DDX60: variants seen among roughly 807,000 people sequenced by gnomAD.
The protein encoded by DDX60 is probable ATP-dependent RNA helicase DDX60.
Under a neutral mutation model 212.8 loss-of-function variants are expected in DDX60, and 165 were observed. The observed-to-expected ratio is 0.78, with a 90% CI of 0.68 to 0.88. DDX60 has a LOEUF of 0.88. DDX60 is among the 40% of genes least tolerant of loss of function. The pLI, the probability that DDX60 is intolerant of heterozygous loss-of-function variation, is 0.00. For synonymous variants in DDX60, 703 were observed against 685.3 expected, an observed-to-expected ratio of 1.03 and a Z score of -0.40; for missense variants, 1,905 against 2,003.9, an observed-to-expected ratio of 0.95 and a Z score of 0.94.
intron 10 of DDX60, among the ~76,000 whole-genome samples, chr4:168,286,140 A>G (rs541419066): frequency 3.9e-4 from 59 of 151,054 alleles, no homozygotes; most frequent in Admixed American, 1.3e-3. Context: ...AGGAAGGAAG[A>G]AAGGAAGGAA....
chr4:168,239,399 T>TAGAC (rs1733757422), intron 30 of DDX60, among the ~76,000 whole-genome samples: 1 of 146,726 alleles, frequency 6.8e-6, no homozygotes, highest in African/African-American at 2.4e-5. Flanking sequence ...GATAGATAGA[T>TAGAC]AGATAGATAG....
Position 168,291,882 on chromosome 4 carries a change from G to A in DDX60, c.907C>T (p.Gln303Ter). The A allele has an allele frequency of 1.2e-6, 2 of 1,611,460 alleles. No individual in the cohort carries two copies. Among genetic ancestry groups the A allele is most frequent in the Non-Finnish European group, 1.7e-6 (2 of 1,179,060 alleles). Residue 303 changes from glutamine to a stop codon, truncating the protein, a stop_gained, in exon 8 of 38, where the codon CAG becomes TAG. Coordinates refer to ENST00000393743, the MANE Select transcript of DDX60 (RefSeq NM_017631.6). LOFTEE classifies it high-confidence loss of function. ...AGTTTACACAAATCTTCCATCTCCT[G>A]CAGGGTTAAGCAATTACTGTTCACC... is the stretch of plus-strand genomic sequence containing the variant. ...QQVNSNCLTLQEMEDLCKLHC... is the reference protein window; with the variant it reads ...QQVNSNCLTL
chr4:168,264,369 T>A (rs1734752035), intron 22 of DDX60, among the ~76,000 whole-genome samples: 1 of 152,204 alleles, frequency 6.6e-6, no homozygotes, highest in Admixed American at 6.5e-5. Flanking sequence ...CTAAGGACTA[T>A]ATTATATCAA....
intron 5 of DDX60, 21 bp from the exon 6 acceptor site, chr4:168,302,437 A>G: frequency 2.6e-6 from 3 of 1,150,448 alleles, no homozygotes; most frequent in Non-Finnish European, 3.6e-6. Flanking sequence ...AAGAAAAATC[A>G]GAAAAGTTGT....
chr4:168,259,321 C>G (rs1427675063), intron 25 of DDX60, among the ~76,000 whole-genome samples: 1 of 152,128 alleles, frequency 6.6e-6, no homozygotes, highest in Non-Finnish European at 1.5e-5. Context: ...TACAGAATTA[C>G]TTTTGTTTCT....
intron 25 of DDX60, among the ~76,000 whole-genome samples, chr4:168,257,640 A>C (rs1343528198): frequency 3.3e-5 from 5 of 152,212 alleles, no homozygotes; most frequent in African/African-American, 1.2e-4. Context: ...ATTTTTAAAA[A>C]ACTCTTGTTC....
In DDX60 at chr4:168,275,435, G is replaced by C; in HGVS notation, c.2214C>G (p.Phe738Leu). The change falls in exon 16 of 38, where the codon TTC (phenylalanine) becomes TTG (leucine). Residue 738 changes from phenylalanine (F) to leucine (L), a missense_variant. Physicochemically the swap from Phe to Leu is conservative, Grantham distance 22. Coordinates refer to ENST00000393743, the MANE Select transcript of DDX60 (RefSeq NM_017631.6). ...KYSVGIGPAR[F>L]QLQYMGHYLI... ...AATAATGGCCCATGTATTGCAGTTG[G>C]AACCGAGCTGGCCCAATGCCAACTG... The C allele has an allele frequency of 6.2e-7, 1 of 1,612,942 alleles. No individual in the cohort carries two copies. The highest frequency in any genetic ancestry group is 8.5e-7 in the Non-Finnish European group (1 of 1,179,476).
Position 168,318,673 on chromosome 4 carries a change from G to A in DDX60, c.-158C>T, listed in dbSNP as rs1263309144. 4 of 152,418 alleles carry A rather than the reference G, an allele frequency of 2.6e-5. No homozygotes were observed. In the East Asian group the frequency reaches 7.7e-4, roughly 29 times the overall value. 9.4% of individuals were successfully genotyped at this position (152,418 alleles called of 1,614,324 possible). A position where few individuals can be genotyped will look rare whatever the true frequency, so the allele number is the denominator to read the frequency against. ...AAGACCCGCGAGCTGCGCGCCCCGC[G>A]GGGAGGGAGTGAAACAGAGACCTAG... On this transcript the variant is annotated 5_prime_UTR_variant, in exon 1 of 38. Coordinates refer to ENST00000393743, the MANE Select transcript of DDX60 (RefSeq NM_017631.6).
chr4:168,259,947 C>A (rs1352579043), intron 25 of DDX60, among the ~76,000 whole-genome samples: 5 of 151,420 alleles, frequency 3.3e-5, no homozygotes, highest in African/African-American at 9.7e-5. Context: ...TGCAAAGAAC[C>A]TTTATGTATT....
chr4:168,314,147 C>T (rs1737260495), intron 1 of DDX60, among the ~76,000 whole-genome samples: 1 of 152,060 alleles, frequency 6.6e-6, no homozygotes. Context: ...GCTTACACAC[C>T]CTAGGCTTTC....
At chr4:168,309,968 C>T (rs1737058057) in intron 3 of DDX60, among the ~76,000 whole-genome samples, 1 of 152,120 alleles carries the variant, frequency 6.6e-6, no homozygotes, top group Non-Finnish European at 1.5e-5. Flanking sequence ...CTGCCAACTC[C>T]TGAGACTCGA....
chr4:168,246,456 C>T lies in DDX60; in HGVS notation c.4126G>A (p.Ala1376Thr), dbSNP rs1734025883. 1 of 1,613,874 alleles carries T rather than the reference C, an allele frequency of 6.2e-7. No homozygotes were observed. Among genetic ancestry groups the T allele is most frequent in the Non-Finnish European group, 8.5e-7 (1 of 1,179,978 alleles). Reference sequence around the variant, plus strand: ...TCCTCTGGGTCATCTCCCTTGGAAGCCAGCAGCATGAGTCGCAGGACCAGG... The same window carrying T: ...TCCTCTGGGTCATCTCCCTTGGAAGTCAGCAGCATGAGTCGCAGGACCAGG... ...ITLVLRLMLL[A>T]SKGDDPEDAK... is the part of the protein sequence containing the mutation. Residue 1376 changes from alanine to threonine, a missense_variant, in exon 30 of 38, where the codon GCT (alanine) becomes ACT (threonine). By Grantham distance (58) the Ala-to-Thr change is moderately conservative. Coordinates refer to ENST00000393743, the MANE Select transcript of DDX60 (RefSeq NM_017631.6).
At chr4:168,240,977 A>G (rs2149498849) in intron 30 of DDX60, among the ~76,000 whole-genome samples, 1 of 152,324 alleles carries the variant, frequency 6.6e-6, no homozygotes, top group Admixed American at 6.5e-5. Context: ...GAAGGAACCC[A>G]GTGGGAGGTA....
In DDX60 at chr4:168,237,313, G is replaced by C. The variant is rs1314573548; in HGVS notation, c.4384C>G (p.His1462Asp). 1 of 1,581,696 alleles carries C rather than the reference G, an allele frequency of 6.3e-7. No homozygotes were observed. The highest frequency in any genetic ancestry group is 2.3e-5 in the East Asian group (1 of 43,186). ...FVSFLVNGLF[H>D]DLCQPTRKGS... ...TTCCTGGTTGGCTGACAGAGATCATGGAAGAGTCCATTTACAAGAAAACTG... is the reference window on the plus strand; with the variant it reads ...TTCCTGGTTGGCTGACAGAGATCATCGAAGAGTCCATTTACAAGAAAACTG... Residue 1462 changes from histidine (H) to aspartate (D), a missense_variant, in exon 32 of 38, where the codon CAT becomes GAT. Coordinates refer to ENST00000393743, the MANE Select transcript of DDX60 (RefSeq NM_017631.6).
Position 168,237,324 on chromosome 4 carries a change from T to C in DDX60, c.4373A>G (p.Asn1458Ser), listed in dbSNP as rs145749472. 1.4e-5 allele frequency: 23 copies of C among 1,589,532 alleles called. No homozygotes were observed. Among genetic ancestry groups the C allele is most frequent in the African/African-American group, 9.4e-5 (7 of 74,222 alleles). Residue 1458 changes from asparagine (N) to serine (S), a missense_variant, in exon 32 of 38, where the codon AAT becomes AGT. Transcript: ENST00000393743. ...CTGACAGAGATCATGGAAGAGTCCA[T>C]TTACAAGAAAACTGACAAAAACAAG... ...SNLVFVSFLVNGLFHDLCQPT... is the reference protein window; with the variant it reads ...SNLVFVSFLVSGLFHDLCQPT...
chr4:168,296,101 CAAT>C (rs1015652181), intron 6 of DDX60, among the ~76,000 whole-genome samples: 1 of 151,866 alleles, frequency 6.6e-6, no homozygotes, highest in African/African-American at 2.4e-5. Context: ...TGACTACAAC[CAAT>C]AATAATGTCA....
intron 6 of DDX60, among the ~76,000 whole-genome samples, chr4:168,300,291 C>T (rs1736590873): frequency 1.3e-5 from 2 of 152,124 alleles, no homozygotes; most frequent in East Asian, 1.9e-4. Context: ...CCTGTAATCC[C>T]AACACTTTGG....
chr4:168,306,986 C>T (rs929043472), intron 4 of DDX60, among the ~76,000 whole-genome samples: 32 of 152,168 alleles, frequency 2.1e-4, no homozygotes, highest in African/African-American at 7.0e-4. Flanking sequence ...TTTTCTAATT[C>T]TTTTCCTCTC....
At chr4:168,265,340 A>G (rs554334351) in intron 22 of DDX60, 14 of 152,306 alleles carry the variant, frequency 9.2e-5, no homozygotes, top group African/African-American at 3.4e-4. Flanking sequence ...AAAATGGACT[A>G]CACAAGACCA....
Sources: gnomAD v4.1 joint callset for allele counts (sites outside exome capture counted in the v4.1 genomes callset) on GRCh38, gnomAD v4.1.1 for gene constraint, MANE v1.5 for transcripts, NCBI Gene and HGNC (gene_info 2026-07-23, HGNC 2026-07-21) for gene names.